Variants in PCDHA11 observed in about 807,000 individuals in gnomAD.
The protein encoded by PCDHA11 is protocadherin alpha-11.
In PCDHA11, 61 loss-of-function variants were observed where a neutral mutation model predicts 70.3. The observed-to-expected ratio is 0.87, with a 90% CI of 0.71 to 1.07. The LOEUF (loss-of-function observed/expected upper bound fraction) is 1.07. PCDHA11 is among the 50% of genes least tolerant of loss of function. The pLI is 0.00. For missense variants in PCDHA11, 1,324 were observed against 1,237.5 expected, an observed-to-expected ratio of 1.07 and a Z score of -1.05; for synonymous variants, 633 against 555.1, an observed-to-expected ratio of 1.14 and a Z score of -1.97.
intron 1 of PCDHA11, among the ~76,000 whole-genome samples, chr5:140,897,824 A>G (rs1234550995): frequency 2.6e-5 from 4 of 152,016 alleles, no homozygotes; most frequent in African/African-American, 9.7e-5. Flanking sequence ...AAGTGTTCCT[A>G]TTTCTCCACA....
intron 1 of PCDHA11, chr5:140,927,044 C>T (rs1337649079): frequency 6.2e-7 from 1 of 1,612,210 alleles, no homozygotes; most frequent in Non-Finnish European, 8.5e-7. Flanking sequence ...GCCGCTATGT[C>T]CTCGCGGAAC....
At chr5:140,979,257 C>T (rs1454477008) in intron 2 of PCDHA11, among the ~76,000 whole-genome samples, 1 of 152,194 alleles carries the variant, frequency 6.6e-6, no homozygotes, top group Non-Finnish European at 1.5e-5. Flanking sequence ...TATGTATTTT[C>T]TCCCATCAAA....
intron 1 of PCDHA11, among the ~76,000 whole-genome samples, chr5:140,916,666 A>G (rs782065585): frequency 2.0e-5 from 3 of 152,176 alleles, no homozygotes; most frequent in Non-Finnish European, 2.9e-5. Flanking sequence ...AAGATGCAAG[A>G]CAAAGTCCTC....
At chr5:140,889,645 A>AG (rs1314365000) in intron 1 of PCDHA11, among the ~76,000 whole-genome samples, 1 of 152,040 alleles carries the variant, frequency 6.6e-6, no homozygotes, top group African/African-American at 2.4e-5. Context: ...TTGTGTTTGC[A>AG]GGAGATGTCC....
At chr5:140,997,097 T>G (rs1222829529) in intron 3 of PCDHA11, among the ~76,000 whole-genome samples, 10 of 152,156 alleles carry the variant, frequency 6.6e-5, no homozygotes, top group Admixed American at 5.2e-4. Context: ...TGCAGAGTTC[T>G]CATGCACTCC....
chr5:141,008,871 C>T (rs1249220900), intron 3 of PCDHA11, among the ~76,000 whole-genome samples: 2 of 152,168 alleles, frequency 1.3e-5, no homozygotes, highest in African/African-American at 4.8e-5. Context: ...TGCTGCATCC[C>T]ACCACCCTTC....
chr5:141,004,768 A>G (rs2098180289), intron 3 of PCDHA11, among the ~76,000 whole-genome samples: 1 of 152,160 alleles, frequency 6.6e-6, no homozygotes, highest in Non-Finnish European at 1.5e-5. Flanking sequence ...CAGGACCTGT[A>G]TTTTAAAGGT....
chr5:140,883,643 G>A (rs1182808577), intron 1 of PCDHA11: 2 of 1,613,822 alleles, frequency 1.2e-6, no homozygotes, highest in Non-Finnish European at 1.7e-6. Context: ...CGCGCAGCCC[G>A]AGTACACGGT....
At chr5:140,880,663 G>A (rs1324939406) in intron 1 of PCDHA11, among the ~76,000 whole-genome samples, 1 of 152,210 alleles carries the variant, frequency 6.6e-6, no homozygotes, top group African/African-American at 2.4e-5. Flanking sequence ...AGGTAAAGGT[G>A]AGAGTAAATT....
At chr5:140,902,669 T>C (rs767769713) in intron 1 of PCDHA11, among the ~76,000 whole-genome samples, 1 of 152,166 alleles carries the variant, frequency 6.6e-6, no homozygotes, top group Non-Finnish European at 1.5e-5. Flanking sequence ...ACCCAAGCAG[T>C]GTACACCGTA....
rs2098414068 is a variant in PCDHA11 at position 141,009,729 on chromosome 5, G to T, written c.2642G>T (p.Gly881Val). The T allele has an allele frequency of 6.2e-7, 1 of 1,614,168 alleles. No homozygotes were observed. The highest frequency in any genetic ancestry group is 8.5e-7 in the Non-Finnish European group (1 of 1,180,028). ...GGCAACCCCAAACAATCCGGTCCCG[G>T]TGAGTTGCCCGACAAATTCATTATC... is the stretch of plus-strand genomic sequence containing the variant. ...GPGNPKQSGPGELPDKFIIPG... is the reference protein window; with the variant it reads ...GPGNPKQSGPVELPDKFIIPG... Residue 881 changes from glycine (G) to valine (V), a missense_variant, in exon 4 of 4, where the codon GGT becomes GTT. Transcript: ENST00000398640.
chr5:140,959,073 G>A (rs775479268), intron 1 of PCDHA11, among the ~76,000 whole-genome samples: 2 of 152,094 alleles, frequency 1.3e-5, no homozygotes, highest in Non-Finnish European at 2.9e-5. Flanking sequence ...ATAGAATTCA[G>A]TATTATCCTT....
intron 1 of PCDHA11, among the ~76,000 whole-genome samples, chr5:140,895,476 G>A (rs928938592): frequency 6.6e-6 from 1 of 152,074 alleles, no homozygotes; most frequent in Non-Finnish European, 1.5e-5. Context: ...ATCCTCTTCG[G>A]AGAAATACCT....
intron 1 of PCDHA11, among the ~76,000 whole-genome samples, chr5:140,939,903 C>A (rs782506444): frequency 3.9e-4 from 60 of 152,166 alleles, no homozygotes; most frequent in Non-Finnish European, 5.9e-4. Flanking sequence ...ATTCTGCATT[C>A]TTTTTTATTC....
chr5:140,973,755 G>A (rs1442337323), intron 1 of PCDHA11, among the ~76,000 whole-genome samples: 1 of 152,234 alleles, frequency 6.6e-6, no homozygotes, highest in Admixed American at 6.5e-5. Flanking sequence ...ACTCTGCAGG[G>A]ACACAGCCTG....
At chr5:140,999,240 G>A (rs193018375) in intron 3 of PCDHA11, among the ~76,000 whole-genome samples, 1 of 152,340 alleles carries the variant, frequency 6.6e-6, no homozygotes, top group Non-Finnish European at 1.5e-5. Context: ...GGTGGTTAAA[G>A]TGGGAGTTGG....
intron 1 of PCDHA11, among the ~76,000 whole-genome samples, chr5:140,879,652 TAACA>T (rs2058069934): frequency 6.6e-6 from 1 of 152,226 alleles, no homozygotes; most frequent in African/African-American, 2.4e-5. Context: ...GTGGCTGCTA[TAACA>T]AACGAACACA....
chr5:140,990,157 T>C (rs113813870), intron 3 of PCDHA11, among the ~76,000 whole-genome samples: 6 of 152,050 alleles, frequency 3.9e-5, no homozygotes, highest in African/African-American at 1.2e-4. Flanking sequence ...AATAGAAAGT[T>C]AGGGTATGAA....
chr5:140,927,105 CAGCGG>C, intron 1 of PCDHA11: 1 of 1,613,778 alleles, frequency 6.2e-7, no homozygotes, highest in Non-Finnish European at 8.5e-7. Flanking sequence ...TGGATCTACC[CAGCGG>C]CAATTTGGTG....
Sources: gnomAD v4.1 joint callset for allele counts (sites outside exome capture counted in the v4.1 genomes callset) on GRCh38, gnomAD v4.1.1 for gene constraint, MANE v1.5 for transcripts, NCBI Gene and HGNC (gene_info 2026-07-23, HGNC 2026-07-21) for gene names.